PARD3: variants seen among roughly 807,000 people sequenced by gnomAD.
The protein encoded by PARD3 is par-3 family cell polarity regulator.
Under a neutral mutation model 155.4 loss-of-function variants are expected in PARD3, and 75 were observed. That is an observed-to-expected ratio of 0.48 (90% CI 0.40 to 0.58). The LOEUF (loss-of-function observed/expected upper bound fraction) is 0.58. PARD3 is among the 20% of genes least tolerant of loss of function. The pLI is 0.00. For missense variants in PARD3, 1,642 were observed against 1,721.7 expected (o/e 0.95, Z 0.82); for synonymous variants, 576 against 610.5 (o/e 0.94, Z 0.83).
intron 2 of PARD3, among the ~76,000 whole-genome samples, chr10:34,589,438 T>C (rs1295353964): frequency 6.6e-6 from 1 of 151,998 alleles, no homozygotes. Flanking sequence ...ACTGGCATCC[T>C]TAGAAGAAGA....
chr10:34,516,855 C>A (rs2081803734), intron 3 of PARD3, 124 bp downstream of exon 3: 6 of 912,516 alleles, frequency 6.6e-6, no homozygotes, highest in Non-Finnish European at 8.2e-6. Context: ...TTGCCTGGGT[C>A]CTAAACTTAA....
intron 19 of PARD3, among the ~76,000 whole-genome samples, chr10:34,324,850 C>A (rs1398193203): frequency 1.3e-5 from 2 of 152,162 alleles, no homozygotes; most frequent in Non-Finnish European, 2.9e-5. Flanking sequence ...TGCCAAGCAT[C>A]ATCGCTCACC....
In PARD3 at chr10:34,751,872, T is replaced by A. The variant is rs1590950259; in HGVS notation, c.121-55453A>T. On this transcript the variant is annotated intron_variant, in intron 1 of 24. Transcript: ENST00000374788. ...ATCCTCCAGCCTTGGCCTCCCAAAG[T>A]GCTGGGATTACCAACCTGGGCCACC... is the stretch of plus-strand genomic sequence containing the variant. 2.0e-5 allele frequency among the ~76,000 whole-genome samples: 3 copies of A among 151,794 alleles called. No individual in the cohort carries two copies. The South Asian group carries it at 6.3e-4, about 32-fold the overall frequency.
At chr10:34,745,578 G>A (rs1020600298) in intron 1 of PARD3, among the ~76,000 whole-genome samples, 3 of 152,124 alleles carry the variant, frequency 2.0e-5, no homozygotes, top group African/African-American at 7.2e-5. Context: ...CCAGGGCTTT[G>A]GGCATGCAAT....
At chr10:34,257,330 CTT>C (rs1173546717) in intron 22 of PARD3, among the ~76,000 whole-genome samples, 1 of 152,172 alleles carries the variant, frequency 6.6e-6, no homozygotes, top group East Asian at 1.9e-4. Flanking sequence ...ATAACACAAA[CTT>C]AAGATCACAA....
intron 22 of PARD3, among the ~76,000 whole-genome samples, chr10:34,138,318 T>C (rs557481133): frequency 6.6e-6 from 1 of 152,326 alleles, no homozygotes; most frequent in East Asian, 1.9e-4. Context: ...CAGTCTATAG[T>C]CAAGAATGTC....
intron 2 of PARD3, among the ~76,000 whole-genome samples, chr10:34,681,093 T>TA (rs1319820579): frequency 6.6e-6 from 1 of 152,142 alleles, no homozygotes; most frequent in Non-Finnish European, 1.5e-5. Context: ...AACAGTGTTA[T>TA]ACGATGCAAT....
chr10:34,629,079 C>G (rs1429291775), intron 2 of PARD3, among the ~76,000 whole-genome samples: 1 of 152,160 alleles, frequency 6.6e-6, no homozygotes. Context: ...TCTAATATTG[C>G]AGAGTTATGA....
intron 5 of PARD3, among the ~76,000 whole-genome samples, chr10:34,413,142 T>TACACACACACACACACAC (rs1336586740): frequency 5.3e-5 from 7 of 132,550 alleles, no homozygotes; most frequent in African/African-American, 1.8e-4. Context: ...TTCAGATATA[T>TACACACACACACACACAC]ATACACACAC....
At chr10:34,384,091 T>C (rs1308091373) in intron 8 of PARD3, 38 bp downstream of exon 8, 5 of 1,602,182 alleles carry the variant, frequency 3.1e-6, no homozygotes, top group African/African-American at 1.3e-5. Flanking sequence ...TCATGCCTAA[T>C]GCAAGTAAGA....
At chr10:34,533,235 G>T (rs2082978965) in intron 2 of PARD3, among the ~76,000 whole-genome samples, 1 of 152,040 alleles carries the variant, frequency 6.6e-6, no homozygotes, top group Admixed American at 6.6e-5. Context: ...AAGTACACCT[G>T]GACATAAAGA....
intron 2 of PARD3, among the ~76,000 whole-genome samples, chr10:34,627,336 A>G (rs2092029669): frequency 1.3e-5 from 2 of 152,160 alleles, no homozygotes; most frequent in African/African-American, 4.8e-5. Context: ...CTGCCCATCT[A>G]TTATGAACTG....
intron 12 of PARD3, among the ~76,000 whole-genome samples, chr10:34,369,985 C>T (rs1477185877): frequency 6.6e-6 from 1 of 152,108 alleles, no homozygotes; most frequent in African/African-American, 2.4e-5. Flanking sequence ...AAAACAGATC[C>T]TTGGCCATCA....
chr10:34,444,569 T>C (rs533924625), intron 5 of PARD3, among the ~76,000 whole-genome samples: 6 of 152,320 alleles, frequency 3.9e-5, no homozygotes, highest in African/African-American at 1.4e-4. Context: ...ATGACTCTGA[T>C]GTAGGATTCA....
At chr10:34,312,456 T>G in intron 20 of PARD3, 1 of 1,431,948 alleles carries the variant, frequency 7.0e-7, no homozygotes, top group South Asian at 1.1e-5. Flanking sequence ...GTTTGTTCTT[T>G]TCTCAAATGC....
At chr10:34,570,516 G>C (rs548492539) in intron 2 of PARD3, among the ~76,000 whole-genome samples, 2 of 152,288 alleles carry the variant, frequency 1.3e-5, no homozygotes, top group South Asian at 4.1e-4. Context: ...AGCCAACTGA[G>C]TTGCCAAATT....
chr10:34,222,835 C>T (rs557995528), intron 22 of PARD3, among the ~76,000 whole-genome samples: 4 of 152,304 alleles, frequency 2.6e-5, no homozygotes, highest in African/African-American at 7.2e-5. Flanking sequence ...AAAACAAAAC[C>T]GCTCTCTTAA....
At chr10:34,727,734 T>C (rs528042989) in intron 1 of PARD3, among the ~76,000 whole-genome samples, 1 of 152,208 alleles carries the variant, frequency 6.6e-6, no homozygotes, top group South Asian at 2.1e-4. Flanking sequence ...TCCAGCCCTG[T>C]TACGAAACCC....
At position 34,583,201 on chromosome 10, in the gene PARD3, A is replaced by G. The variant is rs930292233; in HGVS notation, c.223-66042T>C. Among the ~76,000 whole-genome samples, 3 of 152,228 alleles carry G rather than the reference A, an allele frequency of 2.0e-5. 1 individual carries two copies. The highest frequency in any genetic ancestry group is 2.9e-5 in the Non-Finnish European group (2 of 68,042). On this transcript the variant is annotated intron_variant, in intron 2 of 24. Transcript: ENST00000374788. ...ATACTGAATAAATATAACAAATGAC[A>G]CGATATAACCATCTAAGTTTTTGGT...
Sources: allele counts gnomAD v4.1 joint callset (sites outside exome capture counted in the v4.1 genomes callset), GRCh38; gene constraint gnomAD v4.1.1; transcripts MANE v1.5; gene names NCBI Gene and HGNC (gene_info 2026-07-23, HGNC 2026-07-21).